The following PTPRT variants were observed in gnomAD, a reference collection of about 807,000 sequenced individuals.
PTPRT encodes the protein protein tyrosine phosphatase receptor type T.
Under a neutral mutation model 176.8 loss-of-function variants are expected in PTPRT, and 56 were observed. The ratio of observed to expected loss-of-function variants is 0.32; its 90% CI spans 0.26 to 0.40. The LOEUF (loss-of-function observed/expected upper bound fraction) is 0.40, where lower values mean the gene tolerates loss of function less well. PTPRT is among the 10% of genes least tolerant of loss of function. The pLI is 1.00. For missense variants in PTPRT, 1,540 were observed against 1,908.2 expected (o/e 0.81, Z 3.60); for synonymous variants, 783 against 739.0 (o/e 1.06, Z -0.96).
chr20:42,353,424 G>T (rs1169764032), intron 9 of PTPRT, among the ~76,000 whole-genome samples: 1 of 152,274 alleles, frequency 6.6e-6, no homozygotes, highest in East Asian at 1.9e-4. Context: ...TTTTCAAATT[G>T]TATATGGAGA....
chr20:42,999,701 G>A (rs1243360762), intron 1 of PTPRT, among the ~76,000 whole-genome samples: 1 of 151,920 alleles, frequency 6.6e-6, no homozygotes, highest in East Asian at 1.9e-4. Context: ...TAGCTACTTA[G>A]GAGGCTGAGG....
chr20:43,094,850 T>A (rs143406647), intron 1 of PTPRT, among the ~76,000 whole-genome samples: 113 of 152,276 alleles, frequency 7.4e-4, no homozygotes, highest in African/African-American at 2.6e-3. Context: ...GACGAAGGAT[T>A]ACAGACAGGC....
In PTPRT at chr20:42,915,750, C is replaced by T. The variant is rs144201977; in HGVS notation, c.89-29818G>A. On this transcript the variant is annotated intron_variant, in intron 1 of 30. Transcript: ENST00000373187. ...GGGACTACAGGAGCACACCACCACA[C>T]ACAGCTAATTTTTTGTATTTTTTTT... Among the ~76,000 whole-genome samples, 55 of 152,166 alleles carry T rather than the reference C, an allele frequency of 3.6e-4. No individual in the cohort carries two copies. The South Asian group carries it at 5.0e-3, about 14-fold the overall frequency.
At chr20:42,418,411 A>C (rs896122780) in intron 9 of PTPRT, among the ~76,000 whole-genome samples, 1 of 152,206 alleles carries the variant, frequency 6.6e-6, no homozygotes, top group African/African-American at 2.4e-5. Context: ...TCAGGGCTCC[A>C]AAACTGACCA....
the PTPRT span, chr20:42,063,662 T>C: frequency 6.6e-6 from 1 of 152,170 alleles, no homozygotes; most frequent in Non-Finnish European, 1.5e-5. Context: ...AGGTAAAGCA[T>C]TTGTTAACCT....
chr20:42,854,951 C>T (rs16987493), intron 2 of PTPRT, among the ~76,000 whole-genome samples: 8,846 of 152,226 alleles, frequency 0.058, 569 homozygotes, highest in African/African-American at 0.16. Flanking sequence ...AGTTTGAAGG[C>T]GCTCACTACT....
Position 42,646,060 on chromosome 20 carries a change from A to T in PTPRT, c.1153+31806T>A, listed in dbSNP as rs1464402846. Among the ~76,000 whole-genome samples, 4 of 152,048 alleles carry T rather than the reference A, an allele frequency of 2.6e-5. No homozygotes were observed. In the East Asian group the frequency reaches 7.7e-4, roughly 29 times the overall value. The stretch of plus-strand genomic sequence containing the variant: ...GTAGACACTGTAGTGTACCTCCTAG[A>T]TTCTCCTTACCCAGCCACTATACCC... On this transcript the variant is annotated intron_variant, in intron 7 of 30. Transcript: ENST00000373187.
intron 1 of PTPRT, among the ~76,000 whole-genome samples, chr20:42,896,343 A>C (rs1330014529): frequency 6.6e-6 from 1 of 152,088 alleles, no homozygotes; most frequent in African/African-American, 2.4e-5. Context: ...CAAAATTAAG[A>C]AATCAAGATG....
At chr20:42,098,261 G>A (rs1301143201) in intron 27 of PTPRT, among the ~76,000 whole-genome samples, 160 bp downstream of exon 27, 2 of 152,172 alleles carry the variant, frequency 1.3e-5, no homozygotes, top group Non-Finnish European at 2.9e-5. Context: ...CCCTCTGTAG[G>A]TAGCAGAATG....
At chr20:42,832,242 A>G (rs2078102120) in intron 2 of PTPRT, among the ~76,000 whole-genome samples, 1 of 152,238 alleles carries the variant, frequency 6.6e-6, no homozygotes, top group Admixed American at 6.5e-5. Context: ...CTGTATTCTA[A>G]GCAAACTAAT....
At chr20:42,609,760 G>C (rs899373401) in intron 7 of PTPRT, among the ~76,000 whole-genome samples, 6 of 152,188 alleles carry the variant, frequency 3.9e-5, no homozygotes, top group African/African-American at 1.4e-4. Flanking sequence ...CTGTAGGCTG[G>C]CAGACAAATA....
intron 7 of PTPRT, among the ~76,000 whole-genome samples, chr20:42,562,301 A>G (rs925296233): frequency 3.9e-5 from 6 of 152,218 alleles, no homozygotes; most frequent in Admixed American, 3.3e-4. Flanking sequence ...TTTGGAGTTC[A>G]TCAACATGAG....
chr20:43,062,618 TAGA>T (rs1369125421), intron 1 of PTPRT, among the ~76,000 whole-genome samples: 2 of 152,196 alleles, frequency 1.3e-5, no homozygotes, highest in African/African-American at 4.8e-5. Context: ...AACGCTATGC[TAGA>T]AGAATAATCA....
chr20:42,844,695 G>C (rs2078338206), intron 2 of PTPRT, among the ~76,000 whole-genome samples: 1 of 152,046 alleles, frequency 6.6e-6, no homozygotes, highest in African/African-American at 2.4e-5. Context: ...CCCCTCTCCT[G>C]ACTCACCAAA....
intron 11 of PTPRT, among the ~76,000 whole-genome samples, chr20:42,326,477 T>C (rs2057883931): frequency 2.0e-5 from 3 of 152,126 alleles, no homozygotes; most frequent in African/African-American, 7.2e-5. Context: ...AATAAAAGAA[T>C]TCAGTAAAGT....
intron 2 of PTPRT, among the ~76,000 whole-genome samples, chr20:42,869,445 C>T (rs559295586): frequency 1.3e-5 from 2 of 152,334 alleles, no homozygotes; most frequent in Admixed American, 1.3e-4. Flanking sequence ...CATTCTCAAG[C>T]CTCGAGATTT....
At chr20:42,962,008 T>C (rs866384528) in intron 1 of PTPRT, among the ~76,000 whole-genome samples, 4 of 152,146 alleles carry the variant, frequency 2.6e-5, no homozygotes, top group Non-Finnish European at 5.9e-5. Context: ...CCCTACAGCC[T>C]CCAGAAGGAA....
chr20:42,943,576 C>T (rs1568692316), intron 1 of PTPRT, among the ~76,000 whole-genome samples: 2 of 152,264 alleles, frequency 1.3e-5, no homozygotes, highest in East Asian at 3.9e-4. Flanking sequence ...GCAAATCAGG[C>T]ACAGGGATGA....
At chr20:42,550,452 T>G (rs1345098829) in intron 7 of PTPRT, among the ~76,000 whole-genome samples, 2 of 151,160 alleles carry the variant, frequency 1.3e-5, no homozygotes, top group Non-Finnish European at 3.0e-5. Flanking sequence ...TGGATTAGGG[T>G]TTTTTTTTAG....
Sources: allele counts gnomAD v4.1 joint callset (sites outside exome capture counted in the v4.1 genomes callset), GRCh38; gene constraint gnomAD v4.1.1; transcripts MANE v1.5; gene names NCBI Gene and HGNC (gene_info 2026-07-23, HGNC 2026-07-21).